SPIDR: variants seen among roughly 807,000 people sequenced by gnomAD.
SPIDR encodes the protein scaffold protein involved in DNA repair.
SPIDR carries 93 observed loss-of-function variants against 104.6 expected under a neutral mutation model. The observed-to-expected ratio is 0.89, with a 90% CI of 0.75 to 1.06. The LOEUF (loss-of-function observed/expected upper bound fraction) is 1.06, where lower values mean the gene tolerates loss of function less well. SPIDR is among the 50% of genes least tolerant of loss of function. The pLI, the probability that SPIDR is intolerant of heterozygous loss-of-function variation, is 0.00. For missense variants in SPIDR, 1,154 were observed against 1,111.2 expected, an observed-to-expected ratio of 1.04 and a Z score of -0.55; for synonymous variants, 431 against 416.9, an observed-to-expected ratio of 1.03 and a Z score of -0.41.
chr8:47,352,223 G>A lies in SPIDR; in HGVS notation c.526-44153G>A, dbSNP rs543482528. Among the ~76,000 whole-genome samples, 4 of 150,468 alleles carry A rather than the reference G, an allele frequency of 2.7e-5. No homozygotes were observed. The East Asian group carries it at 7.9e-4, about 30-fold the overall frequency. On this transcript the variant is annotated intron_variant, in intron 5 of 19. Transcript: ENST00000297423. ...ACCCGGGAGGCGGAGGTCGCAGTGAGCCAAGATCGCGCTACTACACTCCAG... is the reference window on the plus strand; with the variant it reads ...ACCCGGGAGGCGGAGGTCGCAGTGAACCAAGATCGCGCTACTACACTCCAG...
At chr8:47,598,734 G>A (rs1484256147) in intron 9 of SPIDR, among the ~76,000 whole-genome samples, 4 of 152,086 alleles carry the variant, frequency 2.6e-5, no homozygotes, top group Non-Finnish European at 5.9e-5. Context: ...TCTTTCACTC[G>A]CCTTCAGCTT....
At chr8:47,437,019 A>G (rs2068454030) in intron 7 of SPIDR, among the ~76,000 whole-genome samples, 1 of 152,160 alleles carries the variant, frequency 6.6e-6, no homozygotes, top group Admixed American at 6.5e-5. Context: ...ATAAAATGTT[A>G]TTTTACAAGT....
intron 5 of SPIDR, among the ~76,000 whole-genome samples, chr8:47,377,589 T>A (rs1173360340): frequency 6.6e-6 from 1 of 152,222 alleles, no homozygotes; most frequent in Non-Finnish European, 1.5e-5. Flanking sequence ...TTATTCTGAT[T>A]CAGTTTTGTA....
At chr8:47,704,251 A>G (rs761746902) in intron 14 of SPIDR, among the ~76,000 whole-genome samples, 3 of 152,214 alleles carry the variant, frequency 2.0e-5, no homozygotes, top group Non-Finnish European at 4.4e-5. Flanking sequence ...TTTATTATCA[A>G]TACTTCACCA....
At chr8:47,627,747 T>G (rs537673098) in intron 10 of SPIDR, among the ~76,000 whole-genome samples, 9 of 152,070 alleles carry the variant, frequency 5.9e-5, no homozygotes, top group Non-Finnish European at 1.3e-4. Context: ...CTCTGTTCAG[T>G]AAACAAGTTT....
intron 8 of SPIDR, among the ~76,000 whole-genome samples, chr8:47,582,692 T>C (rs2059827024): frequency 6.6e-6 from 1 of 152,044 alleles, no homozygotes; most frequent in South Asian, 2.1e-4. Context: ...TCATACAATA[T>C]TCTCTATTTT....
intron 7 of SPIDR, among the ~76,000 whole-genome samples, chr8:47,435,575 T>G (rs538758356): frequency 6.6e-6 from 1 of 152,356 alleles, no homozygotes; most frequent in East Asian, 1.9e-4. Flanking sequence ...TGTTTCTTAA[T>G]CGTTTAACAT....
intron 8 of SPIDR, among the ~76,000 whole-genome samples, chr8:47,562,374 T>C (rs1205460569): frequency 6.6e-6 from 1 of 152,218 alleles, no homozygotes; most frequent in Non-Finnish European, 1.5e-5. Context: ...TCAGAGTCCT[T>C]GGTTTCCTTC....
rs569731134 is a variant in SPIDR at position 47,464,145 on chromosome 8, C to T, written c.1097+23603C>T. On this transcript the variant is annotated intron_variant, in intron 8 of 19. Transcript: ENST00000297423. ...ACACACACACACACACACACACACA[C>T]ACACACACACAGAGCACGTTAGTAA... Among the ~76,000 whole-genome samples, 417 of 145,882 alleles carry T rather than the reference C, an allele frequency of 2.9e-3. 1 individual carries two copies. Among genetic ancestry groups the T allele is most frequent in the African/African-American group, 0.011 (407 of 37,574 alleles).
chr8:47,684,726 C>A (rs186824476), intron 11 of SPIDR, among the ~76,000 whole-genome samples: 47 of 152,244 alleles, frequency 3.1e-4, no homozygotes, highest in Admixed American at 2.9e-3. Context: ...CTTGTTTTTA[C>A]AAACAAAATG....
At chr8:47,537,566 A>G (rs78085065) in intron 8 of SPIDR, among the ~76,000 whole-genome samples, 1 of 152,360 alleles carries the variant, frequency 6.6e-6, no homozygotes, top group African/African-American at 2.4e-5. Flanking sequence ...GGAGAGATGA[A>G]TAGGTGGTGG....
chr8:47,303,040 A>G (rs1360983802), intron 5 of SPIDR, among the ~76,000 whole-genome samples: 3 of 152,204 alleles, frequency 2.0e-5, no homozygotes, highest in Non-Finnish European at 4.4e-5. Flanking sequence ...CCCTGCCCCC[A>G]GAGGTGAGTC....
intron 14 of SPIDR, among the ~76,000 whole-genome samples, chr8:47,706,895 A>T (rs547896903): frequency 6.6e-6 from 1 of 152,292 alleles, no homozygotes; most frequent in East Asian, 1.9e-4. Flanking sequence ...AGGCAGGAGG[A>T]TCACTTGAGG....
intron 11 of SPIDR, among the ~76,000 whole-genome samples, chr8:47,680,735 T>A (rs1305523769): frequency 6.6e-6 from 1 of 152,236 alleles, no homozygotes; most frequent in Non-Finnish European, 1.5e-5. Context: ...TTCTAAGAAT[T>A]CTTTCATGAT....
At chr8:47,570,327 C>T (rs2058363372) in intron 8 of SPIDR, among the ~76,000 whole-genome samples, 1 of 152,164 alleles carries the variant, frequency 6.6e-6, no homozygotes, top group Non-Finnish European at 1.5e-5. Context: ...GAATAATGGT[C>T]TTCCACAGAT....
At chr8:47,665,402 C>G (rs1479166372) in intron 10 of SPIDR, among the ~76,000 whole-genome samples, 2 of 152,146 alleles carry the variant, frequency 1.3e-5, no homozygotes, top group Non-Finnish European at 2.9e-5. Context: ...CTTAGCTCAC[C>G]TTTTCATTTT....
At chr8:47,665,444 T>C (rs1277216358) in intron 10 of SPIDR, among the ~76,000 whole-genome samples, 1 of 152,214 alleles carries the variant, frequency 6.6e-6, no homozygotes, top group Non-Finnish European at 1.5e-5. Context: ...TCGTTCATCT[T>C]CATTTTGAAG....
At chr8:47,642,211 AAGG>A (rs768024443) in intron 10 of SPIDR, among the ~76,000 whole-genome samples, 2 of 151,994 alleles carry the variant, frequency 1.3e-5, no homozygotes, top group Non-Finnish European at 2.9e-5. Context: ...ATCACGAAGT[AAGG>A]AGATCAAGAC....
intron 5 of SPIDR, among the ~76,000 whole-genome samples, chr8:47,306,079 T>C (rs1443746309): frequency 6.6e-6 from 1 of 152,252 alleles, no homozygotes; most frequent in African/African-American, 2.4e-5. Flanking sequence ...AGTATTTGTT[T>C]TTCTGTGACT....
Sources: gnomAD v4.1 joint callset for allele counts (sites outside exome capture counted in the v4.1 genomes callset) on GRCh38, gnomAD v4.1.1 for gene constraint, MANE v1.5 for transcripts, NCBI Gene and HGNC (gene_info 2026-07-23, HGNC 2026-07-21) for gene names.